DSCAM: variants seen among roughly 807,000 people sequenced by gnomAD.
The protein encoded by DSCAM is cell adhesion molecule DSCAM.
A neutral mutation model predicts 217.7 loss-of-function variants in DSCAM; 47 were observed. The observed-to-expected ratio is 0.22, with a 90% CI of 0.17 to 0.28. The LOEUF (loss-of-function observed/expected upper bound fraction) is 0.28. Ranked by LOEUF, DSCAM falls within the 10% of genes least tolerant of loss-of-function variation. The pLI is 1.00. For missense variants in DSCAM, 2,080 were observed against 2,618.3 expected (o/e 0.79, Z 4.49); for synonymous variants, 1,056 against 1,015.3 (o/e 1.04, Z -0.76).
At chr21:40,785,663 C>T (rs762950101) in intron 1 of DSCAM, among the ~76,000 whole-genome samples, 1 of 152,198 alleles carries the variant, frequency 6.6e-6, no homozygotes, top group Non-Finnish European at 1.5e-5. Flanking sequence ...TGAAAAGACT[C>T]GGTGTCCTGT....
In DSCAM at chr21:40,142,664, T is replaced by C; in HGVS notation, c.3300A>G (p.Thr1100=). The C allele has an allele frequency of 6.2e-7, 1 of 1,614,238 alleles. No individual in the cohort carries two copies. The highest frequency in any genetic ancestry group is 8.5e-7 in the Non-Finnish European group (1 of 1,180,042). ...AGGATATTGATATGCTTTCTGGTGA[T>C]GTTGCTATGGCTTGGACATTTTCGG... ...YPPENVQAIA[T]SPESISISWS... is the part of the protein sequence containing the mutation. Residue 1100 remains threonine (T), a synonymous_variant, in exon 18 of 33, where the codon ACA becomes ACG. Transcript: ENST00000400454.
intron 3 of DSCAM, among the ~76,000 whole-genome samples, chr21:40,499,644 A>G (rs534174962): frequency 3.9e-5 from 6 of 152,350 alleles, no homozygotes; most frequent in Admixed American, 6.5e-5. Flanking sequence ...TCCAAACCAT[A>G]TCTAAGACAG....
chr21:40,055,672 A>G, intron 29 of DSCAM, 53 bp downstream of exon 29: 1 of 1,385,146 alleles, frequency 7.2e-7, no homozygotes. Flanking sequence ...TTGGATTGAG[A>G]AGGCATGGCT....
At chr21:40,815,125 A>G (rs536297758) in intron 1 of DSCAM, among the ~76,000 whole-genome samples, 10 of 152,186 alleles carry the variant, frequency 6.6e-5, no homozygotes, top group Non-Finnish European at 1.2e-4. Context: ...AGGAGAAGTC[A>G]TTCTCAACCT....
At chr21:40,115,730 T>C (rs1416916754) in intron 20 of DSCAM, among the ~76,000 whole-genome samples, 4 of 152,204 alleles carry the variant, frequency 2.6e-5, no homozygotes, top group Non-Finnish European at 5.9e-5. Flanking sequence ...TCAGGCATTG[T>C]GGAAGACAGT....
intron 4 of DSCAM, among the ~76,000 whole-genome samples, chr21:40,364,422 G>T (rs900280888): frequency 1.3e-5 from 2 of 150,582 alleles, no homozygotes; most frequent in South Asian, 4.2e-4. Flanking sequence ...GCAAACTGTC[G>T]CAAGGACAAA....
At chr21:40,547,245 A>G (rs2076590688) in intron 3 of DSCAM, among the ~76,000 whole-genome samples, 1 of 152,030 alleles carries the variant, frequency 6.6e-6, no homozygotes, top group African/African-American at 2.4e-5. Context: ...ACACTCCCAC[A>G]CCACGGCCTT....
At chr21:40,617,863 T>G (rs1601792741) in intron 3 of DSCAM, among the ~76,000 whole-genome samples, 1 of 152,324 alleles carries the variant, frequency 6.6e-6, no homozygotes, top group East Asian at 1.9e-4. Flanking sequence ...AACTTCTTCC[T>G]TCCCACCAAA....
At chr21:40,729,617 C>T (rs920373891) in intron 1 of DSCAM, among the ~76,000 whole-genome samples, 1 of 152,192 alleles carries the variant, frequency 6.6e-6, no homozygotes, top group African/African-American at 2.4e-5. Flanking sequence ...AACAAGACAA[C>T]TCTGCTAACA....
intron 1 of DSCAM, among the ~76,000 whole-genome samples, chr21:40,803,249 C>T (rs879826696): frequency 5.9e-5 from 9 of 152,166 alleles, no homozygotes; most frequent in Admixed American, 2.0e-4. Flanking sequence ...TGATCACTGG[C>T]TTTTGCTTTA....
At chr21:40,100,016 G>A (rs989998274) in intron 20 of DSCAM, among the ~76,000 whole-genome samples, 14 of 152,266 alleles carry the variant, frequency 9.2e-5, no homozygotes, top group African/African-American at 2.2e-4. Context: ...GACTGGCCAC[G>A]CCTCCTAGAG....
rs564211924 is a variant in DSCAM, at chr21:40,208,591, C to T, written c.2357-19353G>A. 6.6e-5 allele frequency among the ~76,000 whole-genome samples: 10 copies of T among 152,316 alleles called. No individual in the cohort carries two copies. In the South Asian group the frequency reaches 1.0e-3, roughly 16 times the overall value. ...GGAGTGCTGCATGCTCTCATATTCTCACATGGTCAGGAGTTCTTACTCACC... is the reference window on the plus strand; with the variant it reads ...GGAGTGCTGCATGCTCTCATATTCTTACATGGTCAGGAGTTCTTACTCACC... On this transcript the variant is annotated intron_variant, in intron 11 of 32. Coordinates refer to ENST00000400454, the MANE Select transcript of DSCAM (RefSeq NM_001389.5).
intron 3 of DSCAM, among the ~76,000 whole-genome samples, chr21:40,541,433 G>A (rs533246969): frequency 6.6e-6 from 1 of 152,302 alleles, no homozygotes; most frequent in African/African-American, 2.4e-5. Context: ...TTAAATTTAA[G>A]TATTTTAAGA....
At chr21:40,292,938 G>A (rs2898411) in intron 10 of DSCAM, among the ~76,000 whole-genome samples, 46,394 of 151,830 alleles carry the variant, frequency 0.31, 7,325 homozygotes, top group South Asian at 0.36. Context: ...GGGTTTCACC[G>A]TGTTAGCCAG....
chr21:40,621,018 C>G (rs1287183325), intron 3 of DSCAM, among the ~76,000 whole-genome samples: 2 of 151,940 alleles, frequency 1.3e-5, no homozygotes, highest in Admixed American at 1.3e-4. Context: ...ATATGACATT[C>G]TAGAAAAAGC....
chr21:40,060,110 C>G (rs1361624239), intron 28 of DSCAM, among the ~76,000 whole-genome samples: 1 of 152,206 alleles, frequency 6.6e-6, no homozygotes, highest in Admixed American at 6.5e-5. Context: ...TCTTCCTTTT[C>G]AATCACTTTG....
At chr21:40,739,993 A>G (rs1470255230) in intron 1 of DSCAM, among the ~76,000 whole-genome samples, 1 of 101,862 alleles carries the variant, frequency 9.8e-6, no homozygotes, top group Non-Finnish European at 1.9e-5. Context: ...TTTTGCCAAC[A>G]TTTAAACCAA....
chr21:40,148,616 C>A (rs944427796), intron 16 of DSCAM, among the ~76,000 whole-genome samples: 1 of 152,034 alleles, frequency 6.6e-6, no homozygotes, highest in Non-Finnish European at 1.5e-5. Flanking sequence ...ACCATGATGA[C>A]CACCACCACC....
intron 1 of DSCAM, among the ~76,000 whole-genome samples, chr21:40,755,241 T>C (rs1409373557): frequency 6.6e-6 from 1 of 151,302 alleles, no homozygotes; most frequent in Admixed American, 6.6e-5. Context: ...AGGTCAGGAG[T>C]TCAAGGCCAG....
Sources: allele counts gnomAD v4.1 joint callset (sites outside exome capture counted in the v4.1 genomes callset), GRCh38; gene constraint gnomAD v4.1.1; transcripts MANE v1.5; gene names NCBI Gene and HGNC (gene_info 2026-07-23, HGNC 2026-07-21).